Variants in KNTC1 observed in about 807,000 individuals in gnomAD.
The protein encoded by KNTC1 is kinetochore associated 1, also known as kinetochore-associated protein 1.
Under a neutral mutation model 314.4 loss-of-function variants are expected in KNTC1, and 253 were observed. That is an observed-to-expected ratio of 0.80 (90% CI 0.73 to 0.89). The LOEUF is 0.89. Among genes scored for constraint, KNTC1 ranks in the 40% least tolerant of loss-of-function variants. The pLI, the probability that KNTC1 is intolerant of heterozygous loss-of-function variation, is 0.00. For synonymous variants in KNTC1, 901 were observed against 901.4 expected (o/e 1.00, Z 0.01); for missense variants, 2,475 against 2,572.9 (o/e 0.96, Z 0.82).
Position 122,594,347 on chromosome 12 carries a change from T to C in KNTC1, c.4317T>C (p.Asn1439=), listed in dbSNP as rs1251887871. The C allele has an allele frequency of 1.9e-6, 3 of 1,607,218 alleles. No homozygotes were observed. Among genetic ancestry groups the C allele is most frequent in the African/African-American group, 2.7e-5 (2 of 74,790 alleles). ...KKDLIKALVE[N]IDMDTSLILE... ...ACCTCATTAAAGCTCTTGTGGAGAA[T>C]ATAGATATGGACACAAGCCTCATTT... The change falls in exon 43 of 64, where the codon AAT becomes AAC. Residue 1439 remains asparagine (N), a synonymous_variant. Transcript: ENST00000333479.
chr12:122,547,907 T>A lies in KNTC1; in HGVS notation c.933-8T>A. On this transcript the variant is annotated splice_region_variant and splice_polypyrimidine_tract_variant and intron_variant, in intron 11 of 63. Coordinates refer to ENST00000333479, the MANE Select transcript of KNTC1 (RefSeq NM_014708.6). ...CTTGAATTATTTAAAGGTTCTTTTC[T>A]CTTTTAGGCAAGGAATTACAAATCT... The A allele has an allele frequency of 6.7e-6, 10 of 1,489,594 alleles. No homozygotes were observed. Among genetic ancestry groups the A allele is most frequent in the Non-Finnish European group, 9.0e-6 (10 of 1,108,048 alleles). The allele number at this position is 1,489,594 out of a possible 1,614,324, so 92.3% of individuals were successfully genotyped here.
intron 40 of KNTC1, 44 bp downstream of exon 40, chr12:122,588,860 G>A: frequency 8.7e-7 from 1 of 1,151,350 alleles, no homozygotes. Flanking sequence ...TTTTTTTTTT[G>A]CCTTTTACCT....
At chr12:122,577,887 C>A in intron 31 of KNTC1, 96 bp downstream of exon 31, 1 of 1,088,612 alleles carries the variant, frequency 9.2e-7, no homozygotes, top group Non-Finnish European at 1.3e-6. Context: ...TGAAGATCTG[C>A]TCTTCTCACT....
At chr12:122,544,304 C>A in intron 8 of KNTC1, 35 bp downstream of exon 8, 1 of 1,045,634 alleles carries the variant, frequency 9.6e-7, no homozygotes, top group Non-Finnish European at 1.4e-6. Flanking sequence ...TTTTTGTTGC[C>A]TAAAGCATTT....
At chr12:122,590,173 C>A (rs1869979726) in intron 40 of KNTC1, among the ~76,000 whole-genome samples, 1 of 152,056 alleles carries the variant, frequency 6.6e-6, no homozygotes, top group Non-Finnish European at 1.5e-5. Context: ...ACTGTTTCAT[C>A]ATTTTCTGGC....
At chr12:122,605,458 C>CTGA in intron 51 of KNTC1, 43 bp downstream of exon 51, 1 of 912,282 alleles carries the variant, frequency 1.1e-6, no homozygotes, top group Non-Finnish European at 1.7e-6. Context: ...TGAGTATGCA[C>CTGA]TGATGGCTTC....
chr12:122,562,439 T>TTGTGTG (rs4039211), intron 19 of KNTC1, among the ~76,000 whole-genome samples, 199 bp from the exon 20 acceptor site: 2,110 of 145,042 alleles, frequency 0.015, 29 homozygotes, highest in South Asian at 0.044. Flanking sequence ...ATCCCATGTT[T>TTGTGTG]TGTGTGTGTG....
chr12:122,570,606 T>C (rs1964623137), intron 22 of KNTC1, among the ~76,000 whole-genome samples: 1 of 150,170 alleles, frequency 6.7e-6, no homozygotes, highest in Admixed American at 6.6e-5. Context: ...ACTAAAAGAG[T>C]GTAATTGGAT....
Position 122,597,860 on chromosome 12 carries a change from G to C in KNTC1, c.4485G>C (p.Leu1495=), listed in dbSNP as rs763331237. 3 of 1,614,040 alleles carry C rather than the reference G, an allele frequency of 1.9e-6. No homozygotes were observed. Among genetic ancestry groups the C allele is most frequent in the Non-Finnish European group, 2.5e-6 (3 of 1,179,898 alleles). Residue 1495 remains leucine, a synonymous_variant, in exon 44 of 64, where the codon CTG becomes CTC. Transcript: ENST00000333479. The part of the protein sequence containing the change: ...DSAKRRHPKL[L]AKALEMVPLL... ...CAAAGCGGCGGCATCCCAAACTCCT[G>C]GCCAAAGCCCTTGAGATGGTTCCTT...
intron 53 of KNTC1, 162 bp from the exon 54 acceptor site, chr12:122,612,950 C>T: frequency 1.7e-6 from 1 of 587,624 alleles, no homozygotes; most frequent in Non-Finnish European, 3.0e-6. Context: ...GTCCATGGAC[C>T]ACATGTTAAG....
intron 2 of KNTC1, among the ~76,000 whole-genome samples, chr12:122,534,196 A>G (rs573412650): frequency 6.6e-6 from 1 of 152,306 alleles, no homozygotes; most frequent in East Asian, 1.9e-4. Flanking sequence ...ATTGGGAGGT[A>G]TGGCCATGCC....
At position 122,602,680 on chromosome 12, in the gene KNTC1, A is replaced by T; in HGVS notation, c.4765A>T (p.Thr1589Ser). Residue 1589 changes from threonine (T) to serine (S), a missense_variant, in exon 46 of 64, where the codon ACT (threonine) becomes TCT (serine). Thr to Ser is a moderately conservative substitution (Grantham distance 58). Coordinates refer to ENST00000333479, the MANE Select transcript of KNTC1 (RefSeq NM_014708.6). Reference sequence around the variant, plus strand: ...CATAACTTTGCCATCAGCTGCCCAAACTAGACTGCCTTTTCACCTGATATT... The same window carrying T: ...CATAACTTTGCCATCAGCTGCCCAATCTAGACTGCCTTTTCACCTGATATT... ...HVITLPSAAQ[T>S]RLPFHLIFFG... 1 of 1,613,934 alleles carries T rather than the reference A, an allele frequency of 6.2e-7. No homozygotes were observed. The highest frequency in any genetic ancestry group is 8.5e-7 in the Non-Finnish European group (1 of 1,179,822).
chr12:122,545,073 C>A (rs1398157242), intron 8 of KNTC1, among the ~76,000 whole-genome samples: 1 of 152,122 alleles, frequency 6.6e-6, no homozygotes. Flanking sequence ...TGTCTTATAT[C>A]TCATGTTACA....
intron 57 of KNTC1, chr12:122,617,418 T>G (rs1394317675): frequency 2.2e-6 from 1 of 451,634 alleles, no homozygotes; most frequent in Non-Finnish European, 4.4e-6. Flanking sequence ...GATGGAGGTC[T>G]TGCTATGTTG....
chr12:122,569,658 A>G, intron 21 of KNTC1, 23 bp from the exon 22 acceptor site: 1 of 1,591,416 alleles, frequency 6.3e-7, no homozygotes. Context: ...TCAGATCTTA[A>G]TTTCTCGCTC....
At chr12:122,539,418 A>C (rs1392637571) in intron 4 of KNTC1, among the ~76,000 whole-genome samples, 1 of 152,194 alleles carries the variant, frequency 6.6e-6, no homozygotes, top group Admixed American at 6.5e-5. Flanking sequence ...TCACATAAAT[A>C]GAAATTAGCA....
chr12:122,591,485 C>T (rs373192121), intron 42 of KNTC1, 32 bp downstream of exon 42: 5 of 1,079,360 alleles, frequency 4.6e-6, no homozygotes, highest in Non-Finnish European at 7.1e-6. Context: ...GTCATCGATT[C>T]TGTTAATTAC....
chr12:122,538,205 A>G lies in KNTC1; in HGVS notation c.251-134A>G, dbSNP rs568064043. On this transcript the variant is annotated intron_variant, in intron 3 of 63. Coordinates refer to ENST00000333479, the MANE Select transcript of KNTC1 (RefSeq NM_014708.6). ...GTCAACAACATTCTTTTTTACTTTC[A>G]TCACATCTGTTTTGCAGTATTTAGA... The G allele has an allele frequency of 1.3e-4, 78 of 596,052 alleles. No individual in the cohort carries two copies. In the African/African-American group the frequency reaches 1.4e-3, roughly 10 times the overall value. The allele number at this position is 596,052 out of a possible 1,614,324, so 36.9% of individuals were successfully genotyped here.
rs370532690 is a variant in KNTC1 at position 122,551,627 on chromosome 12, T to C, written c.1203T>C (p.Ser401=). The part of the protein sequence containing the change: ...LTEALPENRL[S]RLLHKHRFAE... ...TTCTCTTCCAACTTAACAGATTGAGTCGGTTACTTCACAAACACAGATTTG... is the reference window on the plus strand; with the variant it reads ...TTCTCTTCCAACTTAACAGATTGAGCCGGTTACTTCACAAACACAGATTTG... The change falls in exon 16 of 64, where the codon AGT becomes AGC. Residue 401 remains serine, a synonymous_variant. Coordinates refer to ENST00000333479, the MANE Select transcript of KNTC1 (RefSeq NM_014708.6). The C allele has an allele frequency of 5.0e-5, 80 of 1,613,448 alleles. No homozygotes were observed. Among genetic ancestry groups the C allele is most frequent in the Middle Eastern group, 3.3e-4 (2 of 6,082 alleles).
Sources: allele counts gnomAD v4.1 joint callset (sites outside exome capture counted in the v4.1 genomes callset), GRCh38; gene constraint gnomAD v4.1.1; transcripts MANE v1.5; gene names NCBI Gene and HGNC (gene_info 2026-07-23, HGNC 2026-07-21).